KDM3A: variants seen among roughly 807,000 people sequenced by gnomAD.
KDM3A encodes lysine demethylase 3A.
In KDM3A, 60 loss-of-function variants were observed where a neutral mutation model predicts 158.0. The ratio of observed to expected loss-of-function variants is 0.38; its 90% confidence interval spans 0.31 to 0.47. The LOEUF is 0.47. Among genes scored for constraint, KDM3A ranks in the 20% least tolerant of loss-of-function variants. The pLI, the probability that KDM3A is intolerant of heterozygous loss-of-function variation, is 0.99. For missense variants in KDM3A, 1,319 were observed against 1,574.3 expected (o/e 0.84, Z 2.74); for synonymous variants, 608 against 549.3 (o/e 1.11, Z -1.49).
rs188502967 is a variant in KDM3A, at chr2:86,468,942, A to G, written c.1520-1262A>G. On this transcript the variant is annotated intron_variant, in intron 10 of 25. Transcript: ENST00000312912. ...GATATTTCCTCTTGTGAGCCAGGAT[A>G]GAACAGATAAGATAACCTTCTTGCC... Among the ~76,000 whole-genome samples, 467 of 152,340 alleles carry G rather than the reference A, an allele frequency of 3.1e-3. 11 individuals carry two copies. The highest frequency in any genetic ancestry group is 0.025 in the Admixed American group (386 of 15,298).
In KDM3A at chr2:86,451,104, C is replaced by T. The variant is rs772689138; in HGVS notation, c.344C>T (p.Thr115Met). ...CTAAAGTGTTTTCTTTTGTTTTAGA[C>T]GTACAAACCTCTGTTGGACAAAGCT... ...SERIVQWPAI[T>M]YKPLLDKAGL... is the part of the protein sequence containing the mutation. Residue 115 changes from threonine (T) to methionine (M), a missense_variant and splice_region_variant, in exon 4 of 26, where the codon ACG (threonine) becomes ATG (methionine). Thr to Met is a moderately conservative substitution (Grantham distance 81, BLOSUM62 -1). Around this residue, in one of 4 missense-constraint regions of KDM3A, gnomAD observed 652 missense variants for 627.2 expected, o/e 1.04. Transcript: ENST00000312912. 9.4e-6 allele frequency: 15 copies of T among 1,590,528 alleles called. No individual in the cohort carries two copies. The highest frequency in any genetic ancestry group is 1.7e-4 in the Middle Eastern group (1 of 5,934).
intron 4 of KDM3A, among the ~76,000 whole-genome samples, chr2:86,454,614 A>G (rs1226991546): frequency 6.6e-6 from 1 of 152,180 alleles, no homozygotes; most frequent in Non-Finnish European, 1.5e-5. Flanking sequence ...GTTATATAAA[A>G]TAAAAAAAAA....
chr2:86,464,118 C>T lies in KDM3A; in HGVS notation c.909C>T (p.Gly303=), dbSNP rs1445374476. 3.1e-6 allele frequency: 5 copies of T among 1,612,720 alleles called. No homozygotes were observed. Among genetic ancestry groups the T allele is most frequent in the Non-Finnish European group, 4.2e-6 (5 of 1,179,050 alleles). ...PTTVFKEILL[G]CTAATPPSKD... ...CAGTTTTTAAGGAGATACTGCTTGGCTGTACTGCGGCAACTCCACCTAGTA... is the reference window on the plus strand; with the variant it reads ...CAGTTTTTAAGGAGATACTGCTTGGTTGTACTGCGGCAACTCCACCTAGTA... The change falls in exon 9 of 26, where the codon GGC becomes GGT. Residue 303 remains glycine, a synonymous_variant. Transcript: ENST00000312912.
rs1224799484 is a variant in KDM3A at position 86,491,286 on chromosome 2, C to T, written c.3885+11C>T. The stretch of plus-strand genomic sequence containing the variant: ...GAAGATAAATTACAGGTAAAAATAG[C>T]ACCAATTCCTAGCATTCTTTGGCTA... On this transcript the variant is annotated intron_variant, in intron 25 of 25. Coordinates refer to ENST00000312912, the MANE Select transcript of KDM3A (RefSeq NM_018433.6). 1 of 1,612,714 alleles carries T rather than the reference C, an allele frequency of 6.2e-7. No individual in the cohort carries two copies. Among genetic ancestry groups the T allele is most frequent in the Admixed American group, 1.7e-5 (1 of 60,012 alleles).
chr2:86,446,250 A>C (rs1252003504), intron 2 of KDM3A, among the ~76,000 whole-genome samples: 2 of 152,220 alleles, frequency 1.3e-5, no homozygotes, highest in Non-Finnish European at 2.9e-5. Context: ...TAGGTAGTGA[A>C]TCATAGTTGA....
chr2:86,442,955 A>T (rs576780384), intron 2 of KDM3A, among the ~76,000 whole-genome samples: 3 of 152,180 alleles, frequency 2.0e-5, no homozygotes, highest in East Asian at 1.9e-4. Context: ...ATTTTTTTTT[A>T]AATCATTATG....
chr2:86,447,610 C>T (rs527600822), intron 2 of KDM3A, among the ~76,000 whole-genome samples: 1 of 152,154 alleles, frequency 6.6e-6, no homozygotes. Flanking sequence ...TTTACATACA[C>T]TGTCTTTTAA....
At chr2:86,463,965 T>C in intron 8 of KDM3A, 88 bp from the exon 9 acceptor site, 1 of 953,926 alleles carries the variant, frequency 1.0e-6, no homozygotes, top group Non-Finnish European at 1.5e-6. Flanking sequence ...TTGTTTAGTA[T>C]TAAGCAAATG....
chr2:86,468,781 G>C (rs1248372663), intron 10 of KDM3A, among the ~76,000 whole-genome samples: 1 of 152,168 alleles, frequency 6.6e-6, no homozygotes, highest in Non-Finnish European at 1.5e-5. Flanking sequence ...CGTTCAGATA[G>C]ATACGTGGCT....
chr2:86,472,301 A>G (rs2104678152), intron 11 of KDM3A, among the ~76,000 whole-genome samples: 1 of 152,302 alleles, frequency 6.6e-6, no homozygotes, highest in East Asian at 1.9e-4. Context: ...CCAGTGTAGT[A>G]GAAACCAGAA....
chr2:86,449,213 T>C (rs958781373), intron 2 of KDM3A, among the ~76,000 whole-genome samples: 4 of 152,216 alleles, frequency 2.6e-5, no homozygotes, highest in African/African-American at 9.6e-5. Context: ...TGTTAATCAC[T>C]CGTTTCTATG....
rs1279002102 is a variant in KDM3A, at chr2:86,456,490, CA to C, written c.606del (p.Ser203LeufsTer10). On this transcript the variant is annotated frameshift_variant, in exon 6 of 26. Transcript: ENST00000312912. LOFTEE classifies it high-confidence loss of function. ...GAAGTAAAAATTTATAGCTTGGACC[CA>C]TCTACTCAGTGGTTTTCAGCAACCG... ...GSEVKIYSLD[P>X]STQWFSATVI... 6.2e-7 allele frequency: 1 copy of C among 1,600,370 alleles called. No homozygotes were observed. Among genetic ancestry groups the C allele is most frequent in the African/African-American group, 1.4e-5 (1 of 73,682 alleles).
chr2:86,439,487 A>C (rs1420138795), upstream of KDM3A, among the ~76,000 whole-genome samples: 1 of 152,066 alleles, frequency 6.6e-6, no homozygotes, highest in Non-Finnish European at 1.5e-5. Flanking sequence ...TGCATTGGAT[A>C]TCTTTCCATC....
chr2:86,446,802 A>C (rs1305549253), intron 2 of KDM3A, among the ~76,000 whole-genome samples: 6 of 152,208 alleles, frequency 3.9e-5, no homozygotes, highest in African/African-American at 1.2e-4. Flanking sequence ...ACCTTAAGGC[A>C]CAAATGAAAG....
upstream of KDM3A, chr2:86,441,130 T>G (rs1573127919): frequency 6.6e-6 from 1 of 152,268 alleles, no homozygotes; most frequent in East Asian, 1.9e-4. Context: ...ACTCGCTTAT[T>G]CTCTGTGTAC....
intron 11 of KDM3A, among the ~76,000 whole-genome samples, chr2:86,473,939 G>A (rs1448117883): frequency 6.6e-6 from 1 of 152,224 alleles, no homozygotes; most frequent in Admixed American, 6.5e-5. Context: ...GTAACGTGCA[G>A]CTGGAATTTA....
At chr2:86,466,284 C>T in intron 9 of KDM3A, 88 bp from the exon 10 acceptor site, 3 of 1,348,006 alleles carry the variant, frequency 2.2e-6, no homozygotes, top group Non-Finnish European at 3.0e-6. Flanking sequence ...ATACTCGTTA[C>T]CTTAGGGAAC....
chr2:86,491,373 C>T (rs765591217), intron 25 of KDM3A, 98 bp downstream of exon 25: 120 of 1,240,774 alleles, frequency 9.7e-5, no homozygotes, highest in East Asian at 3.7e-4. Flanking sequence ...TTGGCCATAT[C>T]GTACTTAGTA....
chr2:86,451,733 A>G (rs1672479786), intron 4 of KDM3A, among the ~76,000 whole-genome samples: 2 of 152,180 alleles, frequency 1.3e-5, no homozygotes, highest in South Asian at 4.1e-4. Flanking sequence ...AACCCATCCC[A>G]TCAGCAGTTA....
Sources: gnomAD v4.1 joint callset for allele counts (sites outside exome capture counted in the v4.1 genomes callset) on GRCh38, gnomAD v4.1.1 for gene constraint, gnomAD v4.1.1 regional missense constraint, MANE v1.5 for transcripts, NCBI Gene and HGNC (gene_info 2026-07-23, HGNC 2026-07-21) for gene names.